Variants in HERC1 observed in about 807,000 individuals in gnomAD.
The protein encoded by HERC1 is probable E3 ubiquitin-protein ligase HERC1.
Under a neutral mutation model 554.3 loss-of-function variants are expected in HERC1, and 160 were observed. The ratio of observed to expected loss-of-function variants is 0.29; its 90% CI spans 0.25 to 0.33. The LOEUF (loss-of-function observed/expected upper bound fraction) is 0.33, where lower values mean the gene tolerates loss of function less well. Ranked by LOEUF, HERC1 falls within the 10% of genes least tolerant of loss-of-function variation. The pLI is 1.00. For synonymous variants in HERC1, 2,175 were observed against 2,131.7 expected (o/e 1.02, Z -0.56); for missense variants, 4,919 against 5,918.5 (o/e 0.83, Z 5.54).
intron 43 of HERC1, 28 bp from the exon 44 acceptor site, chr15:63,663,232 A>G: frequency 6.4e-7 from 1 of 1,572,680 alleles, no homozygotes; most frequent in Non-Finnish European, 8.7e-7. Flanking sequence ...AAGGCATTTT[A>G]TTTGCATGCA....
At chr15:63,703,667 T>C (rs2072849285) in intron 25 of HERC1, among the ~76,000 whole-genome samples, 1 of 152,128 alleles carries the variant, frequency 6.6e-6, no homozygotes, top group Non-Finnish European at 1.5e-5. Context: ...GTGGGTGGAC[T>C]GCTTGAGCCC....
At chr15:63,714,632 C>G (rs796277663) in intron 22 of HERC1, among the ~76,000 whole-genome samples, 1 of 147,544 alleles carries the variant, frequency 6.8e-6, no homozygotes, top group East Asian at 2.0e-4. Context: ...TCACTGCAAC[C>G]TCCACCCCCA....
chr15:63,774,478 A>G (rs540234746), intron 2 of HERC1, among the ~76,000 whole-genome samples: 49 of 152,318 alleles, frequency 3.2e-4, no homozygotes, highest in African/African-American at 1.2e-3. Context: ...CTAAAACTAT[A>G]AACCTGACTT....
intron 1 of HERC1, among the ~76,000 whole-genome samples, chr15:63,827,298 T>C (rs1013597500): frequency 2.0e-5 from 3 of 152,078 alleles, no homozygotes; most frequent in Admixed American, 1.3e-4. Flanking sequence ...GGTGCACACT[T>C]GTAGTCCCAG....
intron 24 of HERC1, among the ~76,000 whole-genome samples, chr15:63,709,829 A>G (rs1481642503): frequency 6.6e-6 from 1 of 152,222 alleles, no homozygotes; most frequent in South Asian, 2.1e-4. Flanking sequence ...TAATACATAA[A>G]TAAGTCCAAC....
Position 63,637,642 on chromosome 15 carries a change from A to C in HERC1, c.12095T>G (p.Val4032Gly). Residue 4032 changes from valine to glycine, a missense_variant and splice_region_variant, in exon 64 of 78, where the codon GTC becomes GGC. Val to Gly is a moderately radical substitution (Grantham distance 109, BLOSUM62 -3). Around this residue, in one of 11 missense-constraint regions of HERC1, gnomAD observed 122 missense variants for 195.2 expected, o/e 0.63. Coordinates refer to ENST00000443617, the MANE Select transcript of HERC1 (RefSeq NM_003922.4). ...AAPSFSQAQQ[V>G]ICGQNCTFVI... ...AAAGGTACAATTCTGACCACAAATG[A>C]CCTAGTATAAAAACACAGAATTAAA... 1 of 1,546,774 alleles carries C rather than the reference A, an allele frequency of 6.5e-7. No homozygotes were observed. The highest frequency in any genetic ancestry group is 8.7e-7 in the Non-Finnish European group (1 of 1,145,042).
At chr15:63,715,091 G>GC (rs2073487651) in intron 22 of HERC1, among the ~76,000 whole-genome samples, 1 of 152,162 alleles carries the variant, frequency 6.6e-6, no homozygotes, top group Non-Finnish European at 1.5e-5. Context: ...GTTTGGGGCA[G>GC]ACCTGCTTCT....
intron 1 of HERC1, among the ~76,000 whole-genome samples, chr15:63,810,074 T>C (rs2077254582): frequency 6.6e-6 from 1 of 152,214 alleles, no homozygotes; most frequent in Non-Finnish European, 1.5e-5. Context: ...GAGGAAGATC[T>C]ACAATTATTT....
chr15:63,631,509 T>G (rs1158082770), intron 68 of HERC1, among the ~76,000 whole-genome samples: 1 of 152,174 alleles, frequency 6.6e-6, no homozygotes, highest in Admixed American at 6.5e-5. Context: ...TTCCCACTCC[T>G]TTCAAAGCCA....
intron 24 of HERC1, among the ~76,000 whole-genome samples, chr15:63,712,136 G>A (rs1279765010): frequency 6.6e-6 from 1 of 152,170 alleles, no homozygotes; most frequent in Non-Finnish European, 1.5e-5. Flanking sequence ...ATTTTGAGTA[G>A]AGGAGGTATA....
intron 63 of HERC1, 116 bp from the exon 64 acceptor site, chr15:63,637,759 T>C: frequency 9.1e-6 from 8 of 881,036 alleles, no homozygotes; most frequent in South Asian, 2.1e-5. Context: ...TTTATCCTTT[T>C]ACTGAAAGGG....
At chr15:63,712,138 G>A (rs1480752186) in intron 24 of HERC1, among the ~76,000 whole-genome samples, 2 of 152,190 alleles carry the variant, frequency 1.3e-5, no homozygotes, top group East Asian at 1.9e-4. Flanking sequence ...TTTGAGTAGA[G>A]GAGGTATAAA....
At chr15:63,706,408 T>A (rs2073009451) in intron 25 of HERC1, among the ~76,000 whole-genome samples, 1 of 152,166 alleles carries the variant, frequency 6.6e-6, no homozygotes, top group Admixed American at 6.5e-5. Flanking sequence ...ATTTAAACTG[T>A]AACAACTCTG....
chr15:63,662,948 A>G (rs774567045), intron 44 of HERC1, 36 bp downstream of exon 44: 1 of 1,534,876 alleles, frequency 6.5e-7, no homozygotes, highest in African/African-American at 1.4e-5. Context: ...GGGCAGGAAA[A>G]TAAGTCAGAG....
chr15:63,709,021 G>A (rs993224162), intron 24 of HERC1, among the ~76,000 whole-genome samples: 8 of 152,014 alleles, frequency 5.3e-5, no homozygotes, highest in East Asian at 1.9e-4. Context: ...ACAGTGTCTC[G>A]CTCTGTCACC....
chr15:63,617,517 T>C (rs1420617414), intron 74 of HERC1, among the ~76,000 whole-genome samples: 6 of 152,260 alleles, frequency 3.9e-5, no homozygotes, highest in African/African-American at 1.4e-4. Flanking sequence ...CCTTTGGGTA[T>C]ATACCCAGTA....
intron 25 of HERC1, among the ~76,000 whole-genome samples, 167 bp downstream of exon 25, chr15:63,706,613 T>C (rs1045581003): frequency 1.3e-5 from 2 of 152,160 alleles, no homozygotes; most frequent in Non-Finnish European, 2.9e-5. Context: ...TTTTAACTCT[T>C]CTGATAAAAT....
intron 34 of HERC1, 74 bp downstream of exon 34, chr15:63,686,285 A>G (rs571374675): frequency 1.8e-6 from 2 of 1,095,310 alleles, no homozygotes; most frequent in South Asian, 1.7e-5. Context: ...GTCTTTCTAC[A>G]CATTTATTAT....
chr15:63,830,994 T>C (rs2078133255), intron 1 of HERC1, among the ~76,000 whole-genome samples: 2 of 152,240 alleles, frequency 1.3e-5, no homozygotes, highest in African/African-American at 4.8e-5. Flanking sequence ...TGTAAATGAT[T>C]TGACCAACTT....
Sources: allele counts gnomAD v4.1 joint callset (sites outside exome capture counted in the v4.1 genomes callset), GRCh38; gene constraint gnomAD v4.1.1; regional missense constraint gnomAD v4.1.1; transcripts MANE v1.5; gene names NCBI Gene and HGNC (gene_info 2026-07-23, HGNC 2026-07-21).